The following CFDP1 variants were observed in gnomAD, a reference collection of about 807,000 sequenced individuals.
CFDP1 encodes chromatin remodeling protein CFDP1, also known as heterochromatin-stabilizing protein CFDP1.
CFDP1 carries 31 observed loss-of-function variants against 40.1 expected under a neutral mutation model. The ratio of observed to expected loss-of-function variants is 0.77; its 90% CI spans 0.58 to 1.04. CFDP1 has a LOEUF of 1.04. Among genes scored for constraint, CFDP1 ranks in the 50% least tolerant of loss-of-function variants. The pLI is 0.00. For missense variants in CFDP1, 423 were observed against 343.4 expected (o/e 1.23, Z -1.83); for synonymous variants, 167 against 120.0 (o/e 1.39, Z -2.56).
At chr16:75,334,974 G>A (rs2078476031) in intron 5 of CFDP1, among the ~76,000 whole-genome samples, 1 of 151,462 alleles carries the variant, frequency 6.6e-6, no homozygotes, top group Non-Finnish European at 1.5e-5. Flanking sequence ...AAAAAGAAAA[G>A]AAAAAAAGAA....
At chr16:75,330,936 G>C (rs2078441268) in intron 5 of CFDP1, among the ~76,000 whole-genome samples, 1 of 134,894 alleles carries the variant, frequency 7.4e-6, no homozygotes, top group Admixed American at 7.6e-5. Flanking sequence ...CAGTCCTTAT[G>C]ATAAAATGAA....
At chr16:75,403,508 T>C (rs980453047) in intron 4 of CFDP1, among the ~76,000 whole-genome samples, 1 of 152,170 alleles carries the variant, frequency 6.6e-6, no homozygotes, top group Non-Finnish European at 1.5e-5. Context: ...CATGTGCCAC[T>C]GCGCCTGGCC....
At chr16:75,304,372 T>C (rs2078243739) in intron 6 of CFDP1, among the ~76,000 whole-genome samples, 1 of 152,226 alleles carries the variant, frequency 6.6e-6, no homozygotes, top group Non-Finnish European at 1.5e-5. Flanking sequence ...CTGGCCACCA[T>C]TTCTTTCTTG....
intron 6 of CFDP1, among the ~76,000 whole-genome samples, chr16:75,294,632 T>C (rs965715435): frequency 6.6e-6 from 1 of 152,218 alleles, no homozygotes; most frequent in African/African-American, 2.4e-5. Context: ...TTTAACTGCT[T>C]TGAGCTCTTT....
At chr16:75,298,521 C>T (rs564857174) in intron 6 of CFDP1, among the ~76,000 whole-genome samples, 4 of 152,340 alleles carry the variant, frequency 2.6e-5, no homozygotes, top group African/African-American at 9.6e-5. Context: ...CCCAAGTGAG[C>T]ATTCAAGGCA....
intron 1 of CFDP1, among the ~76,000 whole-genome samples, chr16:75,431,473 A>AAG (rs2079416039): frequency 6.8e-6 from 1 of 146,178 alleles, no homozygotes; most frequent in Non-Finnish European, 1.5e-5. Flanking sequence ...AAAAAAAAAA[A>AAG]AAAAGAAAAG....
chr16:75,317,582 G>A (rs763640950), intron 5 of CFDP1, among the ~76,000 whole-genome samples: 10 of 152,188 alleles, frequency 6.6e-5, no homozygotes, highest in Non-Finnish European at 2.9e-5. Flanking sequence ...CAGCTGGGGA[G>A]AATAATTTAT....
At chr16:75,410,922 A>AG (rs1223989462) in intron 4 of CFDP1, among the ~76,000 whole-genome samples, 24 of 150,010 alleles carry the variant, frequency 1.6e-4, no homozygotes, top group Non-Finnish European at 3.3e-4. Context: ...AAAAAAAAAA[A>AG]AAAAGAAAAA....
intron 5 of CFDP1, chr16:75,381,382 G>A (rs907815479): frequency 1.3e-5 from 2 of 152,166 alleles, no homozygotes; most frequent in African/African-American, 2.4e-5. Flanking sequence ...GAGATAAAAT[G>A]AGGGAGGGGG....
At chr16:75,384,660 A>T (rs2078877734) in intron 5 of CFDP1, among the ~76,000 whole-genome samples, 1 of 152,058 alleles carries the variant, frequency 6.6e-6, no homozygotes, top group South Asian at 2.1e-4. Flanking sequence ...GGATTATCAC[A>T]GATTATTAAT....
At chr16:75,337,878 C>T (rs1201509356) in intron 5 of CFDP1, among the ~76,000 whole-genome samples, 2 of 152,208 alleles carry the variant, frequency 1.3e-5, no homozygotes, top group Admixed American at 1.3e-4. Context: ...CCAACGACTT[C>T]AGCACTTGGG....
chr16:75,303,083 C>T (rs1298940457), intron 6 of CFDP1, among the ~76,000 whole-genome samples: 1 of 151,150 alleles, frequency 6.6e-6, no homozygotes, highest in Non-Finnish European at 1.5e-5. Flanking sequence ...GCCTGTAATC[C>T]CAGCTACTTG....
intron 1 of CFDP1, among the ~76,000 whole-genome samples, chr16:75,421,684 A>G (rs2079282290): frequency 6.6e-6 from 1 of 152,206 alleles, no homozygotes; most frequent in South Asian, 2.1e-4. Flanking sequence ...GAAGAAACAA[A>G]GCCTGTATTT....
intron 5 of CFDP1, among the ~76,000 whole-genome samples, chr16:75,332,113 T>C (rs945591878): frequency 3.9e-5 from 6 of 152,214 alleles, no homozygotes; most frequent in African/African-American, 1.2e-4. Flanking sequence ...TTGTGAAATG[T>C]CTGTCAATTT....
intron 5 of CFDP1, chr16:75,362,837 T>C (rs900823009): frequency 1.6e-4 from 24 of 152,196 alleles, no homozygotes; most frequent in African/African-American, 5.8e-4. Flanking sequence ...TGATATTACA[T>C]GGAACCAGAA....
chr16:75,306,193 T>C (rs1192104086), intron 5 of CFDP1, among the ~76,000 whole-genome samples: 1 of 152,208 alleles, frequency 6.6e-6, no homozygotes. Context: ...CTGATAATAA[T>C]ACCTTTACTT....
intron 5 of CFDP1, chr16:75,391,487 AAC>A (rs1325947762): frequency 6.6e-6 from 1 of 152,246 alleles, no homozygotes; most frequent in Non-Finnish European, 1.5e-5. Flanking sequence ...AGCAGGTCAT[AAC>A]AGTTTTTTAA....
chr16:75,346,720 CA>C (rs10538921), intron 5 of CFDP1, among the ~76,000 whole-genome samples: 105,058 of 129,920 alleles, frequency 0.81, 41,900 homozygotes, highest in Middle Eastern at 0.87. Context: ...ATCTTCCACT[CA>C]AAAAAAAAAA....
At chr16:75,398,920 G>A (rs1251523143) in intron 4 of CFDP1, among the ~76,000 whole-genome samples, 10 of 152,022 alleles carry the variant, frequency 6.6e-5, no homozygotes, top group Non-Finnish European at 1.2e-4. Context: ...AGCCAGGCAT[G>A]GTGGCGGGCG....
Sources: gnomAD v4.1 joint callset for allele counts (sites outside exome capture counted in the v4.1 genomes callset) on GRCh38, gnomAD v4.1.1 for gene constraint, MANE v1.5 for transcripts, NCBI Gene and HGNC (gene_info 2026-07-23, HGNC 2026-07-21) for gene names.